EML1: variants seen among roughly 807,000 people sequenced by gnomAD.
EML1 encodes the protein EMAP like 1, also known as echinoderm microtubule-associated protein-like 1.
EML1 carries 27 observed loss-of-function variants against 110.4 expected under a neutral mutation model. The ratio of observed to expected loss-of-function variants is 0.24; its 90% CI spans 0.18 to 0.34. The LOEUF is 0.34. EML1 is among the 10% of genes least tolerant of loss of function. The probability of loss-of-function intolerance (pLI) is 1.00; values close to 1 mark genes in which losing one functional copy is unlikely to be tolerated. For synonymous variants in EML1, 344 were observed against 385.8 expected (o/e 0.89, Z 1.27); for missense variants, 741 against 1,030.9 (o/e 0.72, Z 3.85).
intron 5 of EML1, chr14:99,892,121 C>A (rs1356874025): frequency 1.0e-6 from 1 of 985,270 alleles, no homozygotes; most frequent in East Asian, 1.1e-4. Flanking sequence ...TGCAGTACTC[C>A]ACCGTCTCTT....
At chr14:99,888,421 C>G (rs1050089939) in intron 4 of EML1, among the ~76,000 whole-genome samples, 1 of 152,304 alleles carries the variant, frequency 6.6e-6, no homozygotes, top group Admixed American at 6.5e-5. Context: ...CTTTTGTGAT[C>G]AAAGTCATGA....
In EML1 at chr14:99,847,981, G is replaced by A. The variant is rs367836228; in HGVS notation, c.68-2872G>A. 1.4e-4 allele frequency among the ~76,000 whole-genome samples: 22 copies of A among 151,778 alleles called. No individual in the cohort carries two copies. The East Asian group carries it at 2.5e-3, about 17-fold the overall frequency. On this transcript the variant is annotated intron_variant, in intron 1 of 21. Coordinates refer to ENST00000262233, the MANE Select transcript of EML1 (RefSeq NM_004434.3). ...TTCTGCCATCCTCTGCCTTTTAATT[G>A]GTGTGTTTAATGAAATTATTGCTTT...
chr14:99,786,389 T>A (rs2057600286), intron 1 of EML1, among the ~76,000 whole-genome samples: 1 of 152,202 alleles, frequency 6.6e-6, no homozygotes, highest in African/African-American at 2.4e-5. Context: ...CAGAGTTCAT[T>A]CATTCACTCA....
rs557698999 is a variant in EML1, at chr14:99,846,888, G to A, written c.68-3965G>A. Among the ~76,000 whole-genome samples, 437 of 152,102 alleles carry A rather than the reference G, an allele frequency of 2.9e-3. 6 individuals are homozygous for A. Among genetic ancestry groups the A allele is most frequent in the Non-Finnish European group, 4.3e-3 (290 of 67,996 alleles). Reference sequence around the variant, plus strand: ...GTTCTCACTGTATGTTAGGTTGAGGGGCAGAGTAGTGAACCAACAGAAAAG... The same window carrying A: ...GTTCTCACTGTATGTTAGGTTGAGGAGCAGAGTAGTGAACCAACAGAAAAG... On this transcript the variant is annotated intron_variant, in intron 1 of 21. Coordinates refer to ENST00000262233, the MANE Select transcript of EML1 (RefSeq NM_004434.3).
rs1389227623 is a variant in EML1 at position 99,939,687 on chromosome 14, C to T, written c.2323-300C>T. On this transcript the variant is annotated intron_variant, in intron 21 of 21. Transcript: ENST00000262233. The surrounding 1 kb of genome is among the most constrained non-coding windows in gnomAD (Gnocchi z 4.2). ...CCCTGGAGACCCCTCACCCTCAGCC[C>T]CGGGCATCTGGTTAGGCCCACCTTT... 6.6e-6 allele frequency among the ~76,000 whole-genome samples: 1 copy of T among 152,160 alleles called. No homozygotes were observed. Among genetic ancestry groups the T allele is most frequent in the Non-Finnish European group, 1.5e-5 (1 of 68,028 alleles).
intron 1 of EML1, among the ~76,000 whole-genome samples, chr14:99,829,606 C>T (rs1335209123): frequency 6.6e-6 from 1 of 152,188 alleles, no homozygotes; most frequent in African/African-American, 2.4e-5. Context: ...AAACTCAGTA[C>T]TCAATGAAGC....
intron 17 of EML1, among the ~76,000 whole-genome samples, chr14:99,928,215 A>G (rs61986040): frequency 0.61 from 2,051 of 3,344 alleles, 490 homozygotes; most frequent in African/African-American, 0.67. Flanking sequence ...GGTGATGGTG[A>G]TGGTGGTGGT....
At chr14:99,753,165 C>T (rs1323358135) in intron 1 of EML1, among the ~76,000 whole-genome samples, 25 of 136,500 alleles carry the variant, frequency 1.8e-4, no homozygotes, top group African/African-American at 5.6e-4. Flanking sequence ...GGGAAGCAGC[C>T]GCAGCCCCCA....
chr14:99,820,069 T>C (rs1024261449), intron 1 of EML1, among the ~76,000 whole-genome samples: 3 of 152,178 alleles, frequency 2.0e-5, no homozygotes, highest in African/African-American at 7.2e-5. Context: ...CTGGAGGATG[T>C]TCCTGTCTGA....
At chr14:99,832,030 G>A (rs376590216) in intron 1 of EML1, among the ~76,000 whole-genome samples, 2 of 151,952 alleles carry the variant, frequency 1.3e-5, no homozygotes, top group Middle Eastern at 3.4e-3. Context: ...TTTCTTTTGT[G>A]CCCCTTTGTC....
At chr14:99,774,416 C>T (rs150732530) in intron 1 of EML1, among the ~76,000 whole-genome samples, 55 of 152,320 alleles carry the variant, frequency 3.6e-4, no homozygotes, top group Middle Eastern at 3.4e-3. Context: ...GATGCAAATG[C>T]TTCTGTAATG....
intron 3 of EML1, among the ~76,000 whole-genome samples, chr14:99,877,916 T>TC (rs1219994969): frequency 1.3e-5 from 2 of 151,816 alleles, no homozygotes; most frequent in Non-Finnish European, 2.9e-5. Context: ...GGGGGCACCA[T>TC]CCCCCCGGGT....
chr14:99,742,449 C>T (rs2057053870), intron 1 of EML1, among the ~76,000 whole-genome samples: 1 of 151,998 alleles, frequency 6.6e-6, no homozygotes, highest in Admixed American at 6.6e-5. Flanking sequence ...ATCTGGAGGC[C>T]CAGAGGCCAA....
At chr14:99,932,352 T>C (rs2060385704) in intron 17 of EML1, among the ~76,000 whole-genome samples, 1 of 152,074 alleles carries the variant, frequency 6.6e-6, no homozygotes, top group Non-Finnish European at 1.5e-5. Context: ...AAAACAGATA[T>C]GGGGGCCGGG....
intron 1 of EML1, among the ~76,000 whole-genome samples, chr14:99,812,905 T>A (rs2058105499): frequency 6.6e-6 from 1 of 152,162 alleles, no homozygotes. Flanking sequence ...TTCTCTTTCC[T>A]GATGCATAGC....
At chr14:99,792,791 G>A (rs1204762626), upstream of EML1, 2 of 152,362 alleles carry the variant, frequency 1.3e-5, no homozygotes, top group Non-Finnish European at 2.9e-5. Context: ...TGCCAGTCCC[G>A]TGCTAAGTCT....
intron 7 of EML1, 78 bp downstream of exon 7, chr14:99,897,372 C>A: frequency 7.2e-7 from 1 of 1,392,088 alleles, no homozygotes; most frequent in Non-Finnish European, 9.6e-7. Flanking sequence ...AGTTCCAGAC[C>A]ATCCTGGGCA....
intron 14 of EML1, 53 bp from the exon 15 acceptor site, chr14:99,914,513 G>C: frequency 1.3e-6 from 2 of 1,556,306 alleles, no homozygotes. Context: ...TACGGCTCCT[G>C]AGTGCGAACT....
chr14:99,906,012 G>C (rs1455898180), intron 9 of EML1, among the ~76,000 whole-genome samples: 4 of 152,068 alleles, frequency 2.6e-5, no homozygotes, highest in African/African-American at 4.8e-5. Flanking sequence ...ATCCCTTTGG[G>C]GTTCACCAGA....
Sources: gnomAD v4.1 joint callset for allele counts (sites outside exome capture counted in the v4.1 genomes callset) on GRCh38, gnomAD v4.1.1 for gene constraint, Gnocchi (gnomAD v3.1) non-coding constraint, MANE v1.5 for transcripts, NCBI Gene and HGNC (gene_info 2026-07-23, HGNC 2026-07-21) for gene names.